SLC4A10: variants seen among roughly 807,000 people sequenced by gnomAD.
SLC4A10 encodes sodium-driven chloride bicarbonate exchanger.
A neutral mutation model predicts 137.7 loss-of-function variants in SLC4A10; 42 were observed. The ratio of observed to expected loss-of-function variants is 0.30; its 90% CI spans 0.24 to 0.39. The LOEUF (loss-of-function observed/expected upper bound fraction) is 0.39. Ranked by LOEUF, SLC4A10 falls within the 10% of genes least tolerant of loss-of-function variation. The pLI is 1.00. For missense variants in SLC4A10, 925 were observed against 1,355.0 expected (o/e 0.68, Z 4.98); for synonymous variants, 474 against 464.1 (o/e 1.02, Z -0.27).
chr2:161,862,419 A>C (rs912277907), intron 5 of SLC4A10, among the ~76,000 whole-genome samples: 1 of 152,210 alleles, frequency 6.6e-6, no homozygotes, highest in Non-Finnish European at 1.5e-5. Flanking sequence ...AAATGGGAAA[A>C]AAATTAAAAT....
intron 3 of SLC4A10, among the ~76,000 whole-genome samples, chr2:161,833,038 C>T (rs1162927792): frequency 6.6e-6 from 1 of 152,236 alleles, no homozygotes. Context: ...CGCCACCGCG[C>T]CCGGCCGCAT....
intron 21 of SLC4A10, among the ~76,000 whole-genome samples, chr2:161,958,962 C>A (rs1024399333): frequency 1.2e-4 from 18 of 152,168 alleles, no homozygotes; most frequent in Non-Finnish European, 2.4e-4. Context: ...ATATTGGAAA[C>A]AACCCAATTC....
chr2:161,861,905 G>A (rs1175881417), intron 5 of SLC4A10, among the ~76,000 whole-genome samples: 1 of 152,136 alleles, frequency 6.6e-6, no homozygotes, highest in Non-Finnish European at 1.5e-5. Context: ...TTGTTGGTAA[G>A]GGAGCATTCT....
chr2:161,644,331 A>C (rs939190153), intron 1 of SLC4A10, among the ~76,000 whole-genome samples: 1 of 152,020 alleles, frequency 6.6e-6, no homozygotes, highest in Non-Finnish European at 1.5e-5. Flanking sequence ...ACCCATCTCT[A>C]CCAAAAGTTA....
rs143460945 is a variant in SLC4A10, at chr2:161,925,129, T to C, written c.1998-17663T>C. Among the ~76,000 whole-genome samples, 93 of 152,286 alleles carry C rather than the reference T, an allele frequency of 6.1e-4. No individual in the cohort carries two copies. In the East Asian group the frequency reaches 0.017, roughly 27 times the overall value. On this transcript the variant is annotated intron_variant, in intron 15 of 26. Coordinates refer to ENST00000446997, the MANE Select transcript of SLC4A10 (RefSeq NM_001178015.2). ...GATAGAAACAGCACCAAGTCACATA[T>C]TGAGGCAGCATACAATAGCTAAAAG...
intron 15 of SLC4A10, among the ~76,000 whole-genome samples, chr2:161,927,134 G>A (rs1376270608): frequency 1.3e-5 from 2 of 152,144 alleles, no homozygotes; most frequent in African/African-American, 2.4e-5. Flanking sequence ...AGTTCTCCTG[G>A]ATAATATCCT....
chr2:161,673,002 C>T (rs1191344609), intron 1 of SLC4A10, among the ~76,000 whole-genome samples: 3 of 152,194 alleles, frequency 2.0e-5, no homozygotes, highest in Admixed American at 6.5e-5. Context: ...GAGTCTCAGG[C>T]TAATGCGTGT....
At chr2:161,810,497 T>C (rs1393424967) in intron 3 of SLC4A10, among the ~76,000 whole-genome samples, 1 of 152,072 alleles carries the variant, frequency 6.6e-6, no homozygotes, top group Non-Finnish European at 1.5e-5. Context: ...ATTTTAGCTG[T>C]GTGTTTTTCA....
chr2:161,853,754 A>G (rs2059954637), intron 4 of SLC4A10, among the ~76,000 whole-genome samples: 1 of 152,168 alleles, frequency 6.6e-6, no homozygotes, highest in Admixed American at 6.5e-5. Context: ...ATCTATTCTT[A>G]CCTGATTGTA....
At chr2:161,719,974 A>G (rs1023364335) in intron 1 of SLC4A10, among the ~76,000 whole-genome samples, 1 of 152,136 alleles carries the variant, frequency 6.6e-6, no homozygotes, top group African/African-American at 2.4e-5. Context: ...TTGCCCATGC[A>G]TATGTCCTGA....
At chr2:161,674,052 T>C (rs543416427) in intron 1 of SLC4A10, among the ~76,000 whole-genome samples, 1 of 152,222 alleles carries the variant, frequency 6.6e-6, no homozygotes, top group Admixed American at 6.6e-5. Flanking sequence ...TAAAAATAGG[T>C]AAGTTTTAAT....
intron 15 of SLC4A10, among the ~76,000 whole-genome samples, chr2:161,919,266 C>T (rs1687703256): frequency 1.3e-5 from 2 of 152,124 alleles, no homozygotes; most frequent in Admixed American, 6.5e-5. Flanking sequence ...ACAGCCTGGG[C>T]ACAATGAATG....
At chr2:161,646,956 A>C (rs1347526506) in intron 1 of SLC4A10, among the ~76,000 whole-genome samples, 1 of 152,002 alleles carries the variant, frequency 6.6e-6, no homozygotes, top group Non-Finnish European at 1.5e-5. Context: ...ATAATTTCTA[A>C]CTTTTCCTCA....
chr2:161,947,568 A>G lies in SLC4A10; in HGVS notation c.2106A>G (p.Glu702=), dbSNP rs372368730. Residue 702 remains glutamate, a splice_region_variant and synonymous_variant, in exon 17 of 27, where the codon GAA becomes GAG. Transcript: ENST00000446997. ...DIIWENLTVS[E]CKSLHGEYVG... ...ATTTGTTTTACTTCCTCTGGCAGGA[A>G]TGCAAATCATTGCATGGAGAGTATG... 1.0e-5 allele frequency: 16 copies of G among 1,607,926 alleles called. No homozygotes were observed. The African/African-American group carries it at 2.1e-4, about 22-fold the overall frequency.
Position 161,895,288 on chromosome 2 carries a change from C to A in SLC4A10, c.1341+463C>A, listed in dbSNP as rs981192385. Among the ~76,000 whole-genome samples, 530 of 151,852 alleles carry A rather than the reference C, an allele frequency of 3.5e-3. 4 individuals are homozygous for A. Among genetic ancestry groups the A allele is most frequent in the Non-Finnish European group, 5.6e-3 (382 of 67,910 alleles). On this transcript the variant is annotated intron_variant, in intron 11 of 26. Transcript: ENST00000446997. ...TAGTATTCCATGGTGTATATGTGCC[C>A]CATTTTCTTAATCCAGTCTATCATT...
intron 3 of SLC4A10, among the ~76,000 whole-genome samples, chr2:161,829,454 A>C (rs2058278144): frequency 6.6e-6 from 1 of 152,102 alleles, no homozygotes; most frequent in South Asian, 2.1e-4. Flanking sequence ...TTGAACTGCA[A>C]CTTCTTTGCT....
chr2:161,804,358 A>G, intron 2 of SLC4A10, 91 bp from the exon 3 acceptor site: 2 of 1,370,394 alleles, frequency 1.5e-6, no homozygotes, highest in Non-Finnish European at 2.0e-6. Context: ...GCTGAATTAA[A>G]TTAAATTGAG....
chr2:161,884,680 G>A (rs578143125), intron 10 of SLC4A10, among the ~76,000 whole-genome samples: 2 of 152,180 alleles, frequency 1.3e-5, no homozygotes, highest in Admixed American at 1.3e-4. Context: ...GTAGATTATG[G>A]GATAGAGAAG....
At chr2:161,938,357 T>C (rs1163000535) in intron 15 of SLC4A10, among the ~76,000 whole-genome samples, 1 of 152,150 alleles carries the variant, frequency 6.6e-6, no homozygotes, top group Non-Finnish European at 1.5e-5. Context: ...CAAGGCCTAT[T>C]GCCTGGGATC....
Sources: gnomAD v4.1 joint callset for allele counts (sites outside exome capture counted in the v4.1 genomes callset) on GRCh38, gnomAD v4.1.1 for gene constraint, MANE v1.5 for transcripts, NCBI Gene and HGNC (gene_info 2026-07-23, HGNC 2026-07-21) for gene names.